The following CD200R1 variants were observed in gnomAD, a reference collection of about 807,000 sequenced individuals.
CD200R1 encodes CD200 receptor 1.
Under a neutral mutation model 38.1 loss-of-function variants are expected in CD200R1, and 30 were observed. That is an observed-to-expected ratio of 0.79 (90% CI 0.59 to 1.07). The LOEUF (loss-of-function observed/expected upper bound fraction) is 1.07, where lower values mean the gene tolerates loss of function less well. Ranked by LOEUF, CD200R1 falls within the 50% of genes least tolerant of loss-of-function variation. The pLI is 0.00. For synonymous variants in CD200R1, 128 were observed against 152.1 expected, an observed-to-expected ratio of 0.84 and a Z score of 1.16; for missense variants, 372 against 415.4, an observed-to-expected ratio of 0.90 and a Z score of 0.91.
intron 1 of CD200R1, among the ~76,000 whole-genome samples, chr3:112,974,027 A>T (rs1389882569): frequency 6.6e-6 from 1 of 152,184 alleles, no homozygotes; most frequent in Non-Finnish European, 1.5e-5. Context: ...TAGGCATATT[A>T]TATTTTTGAA....
Position 112,928,831 on chromosome 3 carries a change from T to C in CD200R1, c.754A>G (p.Ile252Val), listed in dbSNP as rs534593016. 3 of 1,612,572 alleles carry C rather than the reference T, an allele frequency of 1.9e-6. No homozygotes were observed. The African/African-American group carries it at 4.0e-5, about 21-fold the overall frequency. ...SHLTGNKSLY[I>V]ELLPVPGAKK... ...AATTACTGACCAGGAAGTAGCTCTA[T>C]GTACAGACTCTTGTTGCCAGTCAAA... Residue 252 changes from isoleucine (I) to valine (V), a missense_variant, in exon 5 of 8, where the codon ATA (isoleucine) becomes GTA (valine). Coordinates refer to ENST00000308611, the MANE Select transcript of CD200R1 (RefSeq NM_138806.4).
rs1236775594 is a variant in CD200R1, at chr3:112,925,211, T to C, written c.770-18A>G. The C allele has an allele frequency of 8.2e-7, 1 of 1,215,050 alleles. No homozygotes were observed. The highest frequency in any genetic ancestry group is 1.2e-5 in the South Asian group (1 of 81,200). The allele number at this position is 1,215,050 out of a possible 1,614,324, so 75.3% of individuals were successfully genotyped here. On this transcript the variant is annotated intron_variant, in intron 5 of 7. Coordinates refer to ENST00000308611, the MANE Select transcript of CD200R1 (RefSeq NM_138806.4). Reference sequence around the variant, plus strand: ...ACCTGGAACTATAGACACAAAAATATATGGTTCAAATGTGGTACAATCCAA... The same window carrying C: ...ACCTGGAACTATAGACACAAAAATACATGGTTCAAATGTGGTACAATCCAA...
chr3:112,931,254 C>G lies in CD200R1; in HGVS notation c.137-83G>C, dbSNP rs115714431. The stretch of plus-strand genomic sequence containing the variant: ...CCAGTATCCCTCCACAAAGTCTTAT[C>G]CAACATGATAGGCAATCAGTTAACC... On this transcript the variant is annotated intron_variant, in intron 2 of 7. Coordinates refer to ENST00000308611, the MANE Select transcript of CD200R1 (RefSeq NM_138806.4). 1.1e-3 allele frequency: 878 copies of G among 806,720 alleles called. 8 individuals are homozygous for G. In the African/African-American group the frequency reaches 0.014, roughly 12 times the overall value. 50.0% of individuals were successfully genotyped at this position (806,720 alleles called of 1,614,324 possible).
At chr3:112,964,470 C>A (rs1408562532) in intron 1 of CD200R1, among the ~76,000 whole-genome samples, 1 of 152,210 alleles carries the variant, frequency 6.6e-6, no homozygotes, top group African/African-American at 2.4e-5. Context: ...GACATGGAAT[C>A]AAAGGAGGTC....
intron 1 of CD200R1, among the ~76,000 whole-genome samples, chr3:112,966,594 C>T (rs1336838420): frequency 6.6e-6 from 1 of 151,816 alleles, no homozygotes; most frequent in Non-Finnish European, 1.5e-5. Flanking sequence ...GAAAAGGTAG[C>T]ATTCATGGTA....
At chr3:112,970,695 T>A (rs1406481405) in intron 1 of CD200R1, among the ~76,000 whole-genome samples, 1 of 152,200 alleles carries the variant, frequency 6.6e-6, no homozygotes, top group East Asian at 1.9e-4. Context: ...CTAAATGCCA[T>A]TAACTGAAAT....
In CD200R1 at chr3:112,966,271, G is replaced by A. The variant is rs1263175831; in HGVS notation, c.67+8520C>T. 3.3e-5 allele frequency among the ~76,000 whole-genome samples: 5 copies of A among 152,182 alleles called. No individual in the cohort carries two copies. The East Asian group carries it at 9.6e-4, about 29-fold the overall frequency. On this transcript the variant is annotated intron_variant, in intron 1 of 7. Transcript: ENST00000308611. The stretch of plus-strand genomic sequence containing the variant: ...GAAAACCCTGAAAAGACTTGTGAAA[G>A]TCTAGATCCCTATACACTGGAAAAG...
intron 5 of CD200R1, among the ~76,000 whole-genome samples, chr3:112,928,366 A>G (rs1194751902): frequency 6.6e-6 from 1 of 152,220 alleles, no homozygotes; most frequent in Non-Finnish European, 1.5e-5. Context: ...AACAGTGATT[A>G]AATGAATCAT....
intron 1 of CD200R1, among the ~76,000 whole-genome samples, chr3:112,950,933 A>G (rs1453185250): frequency 6.6e-6 from 1 of 152,192 alleles, no homozygotes; most frequent in Non-Finnish European, 1.5e-5. Context: ...GAAAAGTAAT[A>G]CCTTTAAGTG....
At chr3:112,933,800 AAAG>A (rs1453762459) in intron 2 of CD200R1, among the ~76,000 whole-genome samples, 2 of 152,238 alleles carry the variant, frequency 1.3e-5, no homozygotes, top group Non-Finnish European at 2.9e-5. Flanking sequence ...TATCATAAAA[AAAG>A]AGATTTTAGA....
chr3:112,955,254 G>C (rs1445218889), intron 1 of CD200R1, among the ~76,000 whole-genome samples: 1 of 152,104 alleles, frequency 6.6e-6, no homozygotes, highest in African/African-American at 2.4e-5. Context: ...AGGCCCGTTT[G>C]GTCTACAATG....
chr3:112,926,706 G>T (rs1940288191), intron 5 of CD200R1, among the ~76,000 whole-genome samples: 1 of 152,052 alleles, frequency 6.6e-6, no homozygotes, highest in South Asian at 2.1e-4. Flanking sequence ...ATAAATAAAG[G>T]TGGTTTCAAC....
chr3:112,928,859 G>A lies in CD200R1; in HGVS notation c.726C>T (p.Ser242=), dbSNP rs554195753. The A allele has an allele frequency of 1.7e-5, 27 of 1,613,806 alleles. No homozygotes were observed. In the African/African-American group the frequency reaches 2.9e-4, roughly 18 times the overall value. Reference sequence around the variant, plus strand: ...ACAGACTCTTGTTGCCAGTCAAATGGGAGACGTGGCAGGTCACGGTAGACA... The same window carrying A: ...ACAGACTCTTGTTGCCAGTCAAATGAGAGACGTGGCAGGTCACGGTAGACA... The part of the protein sequence containing the change: ...HNVSTVTCHV[S]HLTGNKSLYI... The change falls in exon 5 of 8, where the codon TCC becomes TCT. Residue 242 remains serine (S), a synonymous_variant. Transcript: ENST00000308611.
chr3:112,959,920 A>G (rs547855622), intron 1 of CD200R1, among the ~76,000 whole-genome samples: 1 of 152,186 alleles, frequency 6.6e-6, no homozygotes, highest in South Asian at 2.1e-4. Flanking sequence ...AACGAATTAT[A>G]TGCTCTCATT....
At chr3:112,928,761 A>G (rs948852089) in intron 5 of CD200R1, 55 bp downstream of exon 5, 5 of 1,352,880 alleles carry the variant, frequency 3.7e-6, no homozygotes, top group Non-Finnish European at 4.1e-6. Context: ...TTTTTTTCTT[A>G]ACTCTTTTAA....
intron 1 of CD200R1, among the ~76,000 whole-genome samples, chr3:112,949,995 T>G (rs1383465018): frequency 6.6e-6 from 1 of 152,174 alleles, no homozygotes; most frequent in East Asian, 1.9e-4. Context: ...GACAGAAATT[T>G]TATGGAAAAA....
intron 1 of CD200R1, among the ~76,000 whole-genome samples, chr3:112,973,876 C>A (rs2107352586): frequency 6.6e-6 from 1 of 152,274 alleles, no homozygotes; most frequent in South Asian, 2.1e-4. Context: ...CCAGGACACC[C>A]CCACAGTGGC....
rs12233389 is a variant in CD200R1, at chr3:112,968,567, C to G, written c.67+6224G>C. ...GTTCCCATTATTTCCCCATTTTTACCGATGTTAGTCCCAGAGAGGGCTGCA... is the reference window on the plus strand; with the variant it reads ...GTTCCCATTATTTCCCCATTTTTACGGATGTTAGTCCCAGAGAGGGCTGCA... On this transcript the variant is annotated intron_variant, in intron 1 of 7. Coordinates refer to ENST00000308611, the MANE Select transcript of CD200R1 (RefSeq NM_138806.4). Among the ~76,000 whole-genome samples, 4 of 152,042 alleles carry G rather than the reference C, an allele frequency of 2.6e-5. No individual in the cohort carries two copies. In the East Asian group the frequency reaches 7.7e-4, roughly 29 times the overall value.
intron 2 of CD200R1, among the ~76,000 whole-genome samples, chr3:112,937,561 C>A (rs35611650): frequency 6.6e-6 from 1 of 151,946 alleles, no homozygotes; most frequent in Non-Finnish European, 1.5e-5. Flanking sequence ...TGTCTGTTCT[C>A]GTACAACTAC....
Sources: gnomAD v4.1 joint callset for allele counts (sites outside exome capture counted in the v4.1 genomes callset) on GRCh38, gnomAD v4.1.1 for gene constraint, MANE v1.5 for transcripts, NCBI Gene and HGNC (gene_info 2026-07-23, HGNC 2026-07-21) for gene names.